The following SYT1 variants were observed in gnomAD, a reference collection of about 807,000 sequenced individuals.
The protein encoded by SYT1 is synaptotagmin 1.
Under a neutral mutation model 44.8 loss-of-function variants are expected in SYT1, and 8 were observed. That is an observed-to-expected ratio of 0.18 (90% CI 0.10 to 0.32). The LOEUF (loss-of-function observed/expected upper bound fraction) is 0.32. Among genes scored for constraint, SYT1 ranks in the 10% least tolerant of loss-of-function variants. SYT1 has a pLI of 1.00. For synonymous variants in SYT1, 154 were observed against 188.8 expected (o/e 0.82, Z 1.51); for missense variants, 286 against 509.3 (o/e 0.56, Z 4.22).
At chr12:79,048,559 CT>C (rs1874241835) in intron 3 of SYT1, among the ~76,000 whole-genome samples, 2 of 151,840 alleles carry the variant, frequency 1.3e-5, no homozygotes, top group African/African-American at 4.8e-5. Context: ...CTGCCACTTA[CT>C]TTTTGTTGTA....
intron 8 of SYT1, among the ~76,000 whole-genome samples, chr12:79,347,034 GT>G (rs1592987053): frequency 7.1e-6 from 1 of 141,084 alleles, no homozygotes; most frequent in East Asian, 2.1e-4. Flanking sequence ...TTGTGTGTTT[GT>G]TTTTTCTTTT....
At chr12:79,145,061 T>C (rs1323064866) in intron 3 of SYT1, among the ~76,000 whole-genome samples, 1 of 152,160 alleles carries the variant, frequency 6.6e-6, no homozygotes, top group Admixed American at 6.5e-5. Context: ...AGAACATCAC[T>C]TTACTCCATA....
At chr12:79,387,095 C>T (rs1884465189) in intron 9 of SYT1, among the ~76,000 whole-genome samples, 1 of 152,152 alleles carries the variant, frequency 6.6e-6, no homozygotes, top group Non-Finnish European at 1.5e-5. Context: ...ATATCTTAAC[C>T]TGATTTTATC....
At chr12:79,131,751 ATATT>A (rs1360177773) in intron 3 of SYT1, among the ~76,000 whole-genome samples, 1 of 152,220 alleles carries the variant, frequency 6.6e-6, no homozygotes, top group East Asian at 1.9e-4. Context: ...TACTGATAAT[ATATT>A]TATTTTGACT....
At chr12:78,937,963 C>T (rs1878151619) in intron 1 of SYT1, among the ~76,000 whole-genome samples, 1 of 152,012 alleles carries the variant, frequency 6.6e-6, no homozygotes, top group African/African-American at 2.4e-5. Context: ...TGCTGAGATC[C>T]TAATTTTATA....
At chr12:79,275,537 A>T (rs945593802) in intron 4 of SYT1, among the ~76,000 whole-genome samples, 1 of 151,952 alleles carries the variant, frequency 6.6e-6, no homozygotes, top group Non-Finnish European at 1.5e-5. Flanking sequence ...ATCTGAATAT[A>T]AAAAATCCTG....
chr12:79,111,956 G>T (rs1399722411), intron 3 of SYT1, among the ~76,000 whole-genome samples: 2 of 151,540 alleles, frequency 1.3e-5, no homozygotes, highest in African/African-American at 2.4e-5. Flanking sequence ...ATTGCAGAGC[G>T]CAGTGGTAGT....
intron 9 of SYT1, among the ~76,000 whole-genome samples, chr12:79,378,900 G>T (rs993790777): frequency 6.6e-6 from 1 of 152,094 alleles, no homozygotes; most frequent in Non-Finnish European, 1.5e-5. Flanking sequence ...TCAGTTACTT[G>T]CATACAGAAC....
At chr12:79,005,596 G>A (rs1451489137) in intron 2 of SYT1, among the ~76,000 whole-genome samples, 1 of 151,926 alleles carries the variant, frequency 6.6e-6, no homozygotes, top group African/African-American at 2.4e-5. Flanking sequence ...TATTATTTTT[G>A]CATATATAAT....
chr12:79,233,574 C>T (rs866214971), intron 4 of SYT1, among the ~76,000 whole-genome samples: 1 of 152,224 alleles, frequency 6.6e-6, no homozygotes, highest in Admixed American at 6.5e-5. Context: ...GTGGCCTGGA[C>T]AGCCATCTTC....
intron 8 of SYT1, among the ~76,000 whole-genome samples, chr12:79,314,457 A>G (rs1880983805): frequency 6.6e-6 from 1 of 152,198 alleles, no homozygotes; most frequent in South Asian, 2.1e-4. Context: ...AGTGGAAGAT[A>G]GTGCTACCAT....
chr12:79,270,409 T>TA (rs899900407), intron 4 of SYT1, among the ~76,000 whole-genome samples: 9 of 152,182 alleles, frequency 5.9e-5, no homozygotes, highest in African/African-American at 2.2e-4. Context: ...TGCTTGAAGT[T>TA]ACTGCTGAAT....
intron 3 of SYT1, among the ~76,000 whole-genome samples, chr12:79,064,997 A>G (rs1256342335): frequency 6.8e-6 from 1 of 147,256 alleles, no homozygotes; most frequent in Non-Finnish European, 1.5e-5. Flanking sequence ...AGAAAGAAAG[A>G]AAAGGAAACC....
At position 79,094,301 on chromosome 12, in the gene SYT1, C is replaced by T. The variant is rs113175110; in HGVS notation, c.-18+46939C>T. Among the ~76,000 whole-genome samples the T allele has an allele frequency of 5.8e-3, 875 of 151,852 alleles. 11 individuals carry two copies. The highest frequency in any genetic ancestry group is 0.018 in the African/African-American group (727 of 41,504). On this transcript the variant is annotated intron_variant, in intron 3 of 10. Transcript: ENST00000261205. ...TTACTTTAAAACCAACAGCATTAAG[C>T]TAGTCCTATTTGTGAAAGATTTACC...
chr12:79,180,244 A>T (rs1320876587), intron 3 of SYT1, among the ~76,000 whole-genome samples: 1 of 152,050 alleles, frequency 6.6e-6, no homozygotes, highest in East Asian at 1.9e-4. Flanking sequence ...AACTAATATT[A>T]AAAAATAAAG....
intron 3 of SYT1, among the ~76,000 whole-genome samples, chr12:79,110,302 T>G (rs1282072244): frequency 6.6e-6 from 1 of 152,188 alleles, no homozygotes; most frequent in Non-Finnish European, 1.5e-5. Context: ...AGGTTTTCTC[T>G]GTAATATGGC....
chr12:79,163,455 A>T (rs964787912), intron 3 of SYT1, among the ~76,000 whole-genome samples: 1 of 152,102 alleles, frequency 6.6e-6, no homozygotes, highest in African/African-American at 2.4e-5. Flanking sequence ...CTAAGGGGTC[A>T]CTATGTGCCA....
intron 2 of SYT1, among the ~76,000 whole-genome samples, chr12:79,046,756 G>A (rs948434531): frequency 9.2e-5 from 14 of 151,740 alleles, no homozygotes; most frequent in African/African-American, 3.4e-4. Context: ...TTTATCCTAT[G>A]TACTAGAATA....
chr12:78,919,992 G>A (rs1459897772), intron 1 of SYT1, among the ~76,000 whole-genome samples: 1 of 150,170 alleles, frequency 6.7e-6, no homozygotes, highest in Admixed American at 6.7e-5. Context: ...CCATATATTA[G>A]TAGCAATATA....
Sources: gnomAD v4.1 joint callset for allele counts (sites outside exome capture counted in the v4.1 genomes callset) on GRCh38, gnomAD v4.1.1 for gene constraint, MANE v1.5 for transcripts, NCBI Gene and HGNC (gene_info 2026-07-23, HGNC 2026-07-21) for gene names.